SNX29: variants seen among roughly 807,000 people sequenced by gnomAD.
SNX29 encodes sorting nexin-29.
Under a neutral mutation model 102.1 loss-of-function variants are expected in SNX29, and 78 were observed. The ratio of observed to expected loss-of-function variants is 0.76; its 90% CI spans 0.64 to 0.92. SNX29 has a LOEUF of 0.92. SNX29 is among the 40% of genes least tolerant of loss of function. The pLI, the probability that SNX29 is intolerant of heterozygous loss-of-function variation, is 0.00. For synonymous variants in SNX29, 580 were observed against 414.5 expected, an observed-to-expected ratio of 1.40 and a Z score of -4.85; for missense variants, 1,280 against 1,061.7, an observed-to-expected ratio of 1.21 and a Z score of -2.86.
At position 12,430,852 on chromosome 16, in the gene SNX29, C is replaced by CTTT. The variant is rs56349621; in HGVS notation, c.2037+27337_2037+27339dup. Among the ~76,000 whole-genome samples, 13 of 139,148 alleles carry CTTT rather than the reference C, an allele frequency of 9.3e-5. 1 individual carries two copies. In the South Asian group the frequency reaches 2.1e-3, roughly 22 times the overall value. 91.3% of individuals were successfully genotyped at this position (139,148 alleles called of 152,430 possible). A position where few individuals can be genotyped will look rare whatever the true frequency, so the allele number is the denominator to read the frequency against. On this transcript the variant is annotated intron_variant, in intron 18 of 20. Transcript: ENST00000566228. ...AGGAGGGGGTGATTCTTGACGCAGT[C>CTTT]TTTTTTTTTTTTTTTTGAGATGGAA...
chr16:12,297,608 A>T (rs1353174315), intron 15 of SNX29, among the ~76,000 whole-genome samples: 1 of 152,138 alleles, frequency 6.6e-6, no homozygotes, highest in East Asian at 1.9e-4. Flanking sequence ...GAGTTAAAAA[A>T]TGATAACCGT....
intron 16 of SNX29, among the ~76,000 whole-genome samples, chr16:12,397,657 G>A (rs376580925): frequency 1.3e-5 from 2 of 152,226 alleles, no homozygotes; most frequent in South Asian, 2.1e-4. Context: ...CATTCCCTGG[G>A]TATGAGAAAA....
At chr16:12,514,313 T>C (rs941204173) in intron 19 of SNX29, among the ~76,000 whole-genome samples, 2 of 152,134 alleles carry the variant, frequency 1.3e-5, no homozygotes, top group African/African-American at 4.8e-5. Flanking sequence ...AGGGCTGCCC[T>C]AGCTCCCCCT....
At chr16:12,293,940 C>T (rs940850292) in intron 15 of SNX29, among the ~76,000 whole-genome samples, 2 of 152,208 alleles carry the variant, frequency 1.3e-5, no homozygotes, top group African/African-American at 2.4e-5. Flanking sequence ...GGCGGTATTA[C>T]TCTCATCCTC....
At chr16:12,565,101 T>C (rs1395222810) in intron 20 of SNX29, among the ~76,000 whole-genome samples, 1 of 151,908 alleles carries the variant, frequency 6.6e-6, no homozygotes, top group Non-Finnish European at 1.5e-5. Context: ...TCTTCTCTTC[T>C]GAGTACTGGC....
In SNX29 at chr16:12,096,963, G is replaced by C. The variant is rs1457701221; in HGVS notation, c.1402+18048G>C. Among the ~76,000 whole-genome samples, 1 of 152,182 alleles carries C rather than the reference G, an allele frequency of 6.6e-6. No individual in the cohort carries two copies. Among genetic ancestry groups the C allele is most frequent in the African/African-American group, 2.4e-5 (1 of 41,438 alleles). ...AAGGTTAAGGGCTCGGTGCAGGGGA[G>C]GTCAGGAGGTCTTGCACAGATGGGG... is the stretch of plus-strand genomic sequence containing the variant. On this transcript the variant is annotated intron_variant, in intron 11 of 20. Coordinates refer to ENST00000566228, the MANE Select transcript of SNX29 (RefSeq NM_032167.5). This position sits in a 1 kb window ranked among gnomAD's most constrained non-coding sequence, Gnocchi z 4.2.
intron 11 of SNX29, among the ~76,000 whole-genome samples, chr16:12,118,618 G>A (rs2053840580): frequency 6.6e-6 from 1 of 151,960 alleles, no homozygotes. Flanking sequence ...GCCCGCCCTA[G>A]AGACCACCTT....
At chr16:12,046,740 C>T (rs117919622) in intron 6 of SNX29, among the ~76,000 whole-genome samples, 67 of 152,354 alleles carry the variant, frequency 4.4e-4, no homozygotes, top group East Asian at 3.3e-3. Flanking sequence ...CTGTCTCAAC[C>T]TTCCGAGAAG....
chr16:12,319,296 G>C lies in SNX29; in HGVS notation c.1783-36867G>C, dbSNP rs116112971. On this transcript the variant is annotated intron_variant, in intron 15 of 20. Coordinates refer to ENST00000566228, the MANE Select transcript of SNX29 (RefSeq NM_032167.5). ...GTGGGAGGATCATTTGCGGCCAGGA[G>C]TTCGAGACCAGCCCAAGCAACATAG... Among the ~76,000 whole-genome samples, 326 of 152,316 alleles carry C rather than the reference G, an allele frequency of 2.1e-3. 1 individual carries two copies. The highest frequency in any genetic ancestry group is 7.7e-3 in the African/African-American group (322 of 41,568).
At chr16:12,161,022 T>C (rs543666682) in intron 13 of SNX29, among the ~76,000 whole-genome samples, 2 of 152,350 alleles carry the variant, frequency 1.3e-5, no homozygotes, top group Admixed American at 1.3e-4. Context: ...GCTGACATGC[T>C]ACAGCTGATC....
intron 15 of SNX29, among the ~76,000 whole-genome samples, chr16:12,308,869 G>A (rs890226819): frequency 6.6e-6 from 1 of 152,138 alleles, no homozygotes; most frequent in Non-Finnish European, 1.5e-5. Flanking sequence ...TAAGCTGTCC[G>A]TTATATCGAA....
At chr16:12,218,540 C>G (rs2077386394) in intron 14 of SNX29, among the ~76,000 whole-genome samples, 1 of 152,146 alleles carries the variant, frequency 6.6e-6, no homozygotes, top group South Asian at 2.1e-4. Flanking sequence ...CCTGCAAACC[C>G]CAAAATATTT....
chr16:12,382,378 C>T (rs572643506), intron 16 of SNX29, among the ~76,000 whole-genome samples: 1 of 152,330 alleles, frequency 6.6e-6, no homozygotes, highest in African/African-American at 2.4e-5. Context: ...AGTGCGTGGA[C>T]TCTGGAGCCC....
At chr16:12,138,254 C>G (rs371962750) in intron 13 of SNX29, among the ~76,000 whole-genome samples, 5 of 145,384 alleles carry the variant, frequency 3.4e-5, no homozygotes, top group African/African-American at 1.3e-4. Flanking sequence ...GTCTCCCAGG[C>G]TGGAGTGCAG....
intron 13 of SNX29, among the ~76,000 whole-genome samples, chr16:12,131,647 G>A (rs985012884): frequency 6.6e-6 from 1 of 152,290 alleles, no homozygotes; most frequent in South Asian, 2.1e-4. Flanking sequence ...GGAAAGATAA[G>A]CAGTTTATTG....
intron 20 of SNX29, among the ~76,000 whole-genome samples, chr16:12,543,449 G>A (rs529618726): frequency 1.3e-5 from 2 of 152,328 alleles, no homozygotes; most frequent in African/African-American, 4.8e-5. Flanking sequence ...ATATGTTCAT[G>A]CTGCGGGGTC....
In SNX29 at chr16:12,423,565, C is replaced by CT. The variant is rs199677318; in HGVS notation, c.2037+20044dup. 7.2e-3 allele frequency among the ~76,000 whole-genome samples: 1,095 copies of CT among 152,088 alleles called. 14 individuals carry two copies. Among genetic ancestry groups the CT allele is most frequent in the African/African-American group, 0.025 (1,041 of 41,478 alleles). ...AGGTGCCAAGTGCATTTGGGACATG[C>CT]TTTTTTTTCTTCTTCTTCTTCTCGA... On this transcript the variant is annotated intron_variant, in intron 18 of 20. Coordinates refer to ENST00000566228, the MANE Select transcript of SNX29 (RefSeq NM_032167.5).
intron 9 of SNX29, among the ~76,000 whole-genome samples, chr16:12,064,510 T>C (rs1413518322): frequency 1.3e-5 from 2 of 152,238 alleles, no homozygotes; most frequent in East Asian, 3.8e-4. Flanking sequence ...TGTGCCGGCG[T>C]CAGCCAGCAT....
intron 20 of SNX29, among the ~76,000 whole-genome samples, chr16:12,534,968 C>G (rs984066323): frequency 3.3e-5 from 5 of 152,188 alleles, no homozygotes; most frequent in Non-Finnish European, 5.9e-5. Context: ...GTTATCTGAC[C>G]TGAACGTCAT....
Sources: allele counts gnomAD v4.1 joint callset (sites outside exome capture counted in the v4.1 genomes callset), GRCh38; gene constraint gnomAD v4.1.1; non-coding constraint Gnocchi (gnomAD v3.1); transcripts MANE v1.5; gene names NCBI Gene and HGNC (gene_info 2026-07-23, HGNC 2026-07-21).